ARHGAP15: variants seen among roughly 807,000 people sequenced by gnomAD.
The protein encoded by ARHGAP15 is Rho GTPase activating protein 15, also known as rho GTPase-activating protein 15.
In ARHGAP15, 51 loss-of-function variants were observed where a neutral mutation model predicts 63.7. That is an observed-to-expected ratio of 0.80 (90% CI 0.64 to 1.01). ARHGAP15 has a LOEUF of 1.01. Ranked by LOEUF, ARHGAP15 falls within the 50% of genes least tolerant of loss-of-function variation. ARHGAP15 has a pLI of 0.00. For missense variants in ARHGAP15, 560 were observed against 564.6 expected, an observed-to-expected ratio of 0.99 and a Z score of 0.08; for synonymous variants, 191 against 193.8, an observed-to-expected ratio of 0.99 and a Z score of 0.12.
At chr2:143,303,715 G>A (rs974540003) in intron 6 of ARHGAP15, among the ~76,000 whole-genome samples, 3 of 152,086 alleles carry the variant, frequency 2.0e-5, no homozygotes, top group African/African-American at 7.2e-5. Context: ...CTACTCATCT[G>A]ACAAAGGGCT....
At chr2:143,268,334 T>C (rs921682432) in intron 6 of ARHGAP15, among the ~76,000 whole-genome samples, 1 of 152,170 alleles carries the variant, frequency 6.6e-6, no homozygotes, top group African/African-American at 2.4e-5. Context: ...TTCTAGGATA[T>C]GTGGCTGGCA....
At chr2:143,228,912 A>G (rs1693331001) in intron 5 of ARHGAP15, among the ~76,000 whole-genome samples, 1 of 152,188 alleles carries the variant, frequency 6.6e-6, no homozygotes, top group Admixed American at 6.5e-5. Context: ...CTATGTAGTA[A>G]TGCGAAGGTA....
At chr2:143,168,165 A>T (rs1168728223) in intron 2 of ARHGAP15, among the ~76,000 whole-genome samples, 2 of 152,038 alleles carry the variant, frequency 1.3e-5, no homozygotes, top group Non-Finnish European at 2.9e-5. Context: ...TCAATTATTT[A>T]TGTATTTATT....
At chr2:143,379,487 A>ATGTGTGTGTG (rs58976215) in intron 6 of ARHGAP15, among the ~76,000 whole-genome samples, 3,233 of 129,672 alleles carry the variant, frequency 0.025, 86 homozygotes, top group Middle Eastern at 0.051. Flanking sequence ...AGGCATATAT[A>ATGTGTGTGTG]TGTGTGTGTG....
At position 143,706,131 on chromosome 2, in the gene ARHGAP15, T is replaced by C. The variant is rs540859866; in HGVS notation, c.1244+2607T>C. Among the ~76,000 whole-genome samples the C allele has an allele frequency of 7.9e-5, 12 of 152,336 alleles. No homozygotes were observed. The South Asian group carries it at 2.3e-3, about 29-fold the overall frequency. On this transcript the variant is annotated intron_variant, in intron 13 of 13. Transcript: ENST00000295095. ...CTATATTTCACCCTGTACCAATTTA[T>C]AAACTGGGTTTAATTATGCACGAGT... is the stretch of plus-strand genomic sequence containing the variant.
At chr2:143,479,627 G>A (rs974708221) in intron 8 of ARHGAP15, among the ~76,000 whole-genome samples, 1 of 151,814 alleles carries the variant, frequency 6.6e-6, no homozygotes, top group Non-Finnish European at 1.5e-5. Flanking sequence ...GTTTTGAACA[G>A]CTCTCAAGTG....
At chr2:143,571,231 A>G (rs896032874) in intron 11 of ARHGAP15, among the ~76,000 whole-genome samples, 1 of 152,202 alleles carries the variant, frequency 6.6e-6, no homozygotes, top group Non-Finnish European at 1.5e-5. Flanking sequence ...TGTAACAATA[A>G]TAGAAATAAG....
At chr2:143,626,287 G>A (rs974986010) in intron 12 of ARHGAP15, among the ~76,000 whole-genome samples, 1 of 151,994 alleles carries the variant, frequency 6.6e-6, no homozygotes, top group Admixed American at 6.6e-5. Flanking sequence ...CTCCATATGA[G>A]CTTTGTTTGA....
chr2:143,608,738 A>G (rs1354500545), intron 11 of ARHGAP15: 1 of 152,238 alleles, frequency 6.6e-6, no homozygotes, highest in East Asian at 1.9e-4. Flanking sequence ...AAGGTTTGAA[A>G]TAAAAACACC....
chr2:143,585,858 T>G (rs1258063959), intron 11 of ARHGAP15, among the ~76,000 whole-genome samples: 4 of 152,106 alleles, frequency 2.6e-5, no homozygotes, highest in Non-Finnish European at 5.9e-5. Flanking sequence ...AGGAAATATG[T>G]TCACCCCTTT....
chr2:143,606,851 T>G (rs1698055600), intron 11 of ARHGAP15: 1 of 152,202 alleles, frequency 6.6e-6, no homozygotes, highest in African/African-American at 2.4e-5. Flanking sequence ...TTACTCCACT[T>G]GCCTCTTCTG....
chr2:143,651,205 A>T (rs1010408877), intron 12 of ARHGAP15, among the ~76,000 whole-genome samples: 37 of 151,984 alleles, frequency 2.4e-4, no homozygotes, highest in African/African-American at 8.4e-4. Flanking sequence ...ATTGTTCTGT[A>T]TTGAAGTGAT....
chr2:143,358,168 T>G (rs1200284531), intron 6 of ARHGAP15, among the ~76,000 whole-genome samples: 1 of 152,186 alleles, frequency 6.6e-6, no homozygotes, highest in African/African-American at 2.4e-5. Flanking sequence ...GAGCAGATGG[T>G]GAGCCAATGC....
intron 12 of ARHGAP15, among the ~76,000 whole-genome samples, chr2:143,698,568 G>A (rs550041931): frequency 6.6e-6 from 1 of 152,226 alleles, no homozygotes; most frequent in Non-Finnish European, 1.5e-5. Context: ...AGGTTGGTGA[G>A]GAATGGGTAT....
At chr2:143,514,595 C>T (rs1209662192) in intron 9 of ARHGAP15, among the ~76,000 whole-genome samples, 1 of 152,212 alleles carries the variant, frequency 6.6e-6, no homozygotes, top group Non-Finnish European at 1.5e-5. Flanking sequence ...GACTCATCAC[C>T]ACCTATGTGA....
At chr2:143,481,598 C>A (rs1337487482) in intron 8 of ARHGAP15, among the ~76,000 whole-genome samples, 1 of 152,044 alleles carries the variant, frequency 6.6e-6, no homozygotes, top group Non-Finnish European at 1.5e-5. Context: ...GGTTCCCATA[C>A]CCTAAATGGG....
At chr2:143,737,855 C>T (rs1346608176) in intron 13 of ARHGAP15, among the ~76,000 whole-genome samples, 2 of 152,088 alleles carry the variant, frequency 1.3e-5, no homozygotes, top group South Asian at 4.1e-4. Flanking sequence ...CTCCTGGGTT[C>T]AAGTGATTCT....
chr2:143,343,822 T>C (rs550366528), intron 6 of ARHGAP15, among the ~76,000 whole-genome samples: 2 of 152,242 alleles, frequency 1.3e-5, no homozygotes, highest in East Asian at 3.9e-4. Flanking sequence ...ATTACACTAA[T>C]CTAGGTTACT....
intron 11 of ARHGAP15, among the ~76,000 whole-genome samples, chr2:143,580,273 A>G (rs912744802): frequency 2.0e-5 from 3 of 152,108 alleles, no homozygotes; most frequent in African/African-American, 7.2e-5. Context: ...TAAATAGGAA[A>G]TGAAAAGACA....
Sources: allele counts gnomAD v4.1 joint callset (sites outside exome capture counted in the v4.1 genomes callset), GRCh38; gene constraint gnomAD v4.1.1; transcripts MANE v1.5; gene names NCBI Gene and HGNC (gene_info 2026-07-23, HGNC 2026-07-21).